ZNF710: variants seen among roughly 807,000 people sequenced by gnomAD.
ZNF710 encodes zinc finger protein 710.
Under a neutral mutation model 50.6 loss-of-function variants are expected in ZNF710, and 13 were observed. The observed-to-expected ratio is 0.26, with a 90% CI of 0.17 to 0.41. ZNF710 has a LOEUF of 0.41. Ranked by LOEUF, ZNF710 falls within the 10% of genes least tolerant of loss-of-function variation. ZNF710 has a pLI of 1.00. For missense variants in ZNF710, 721 were observed against 936.6 expected, an observed-to-expected ratio of 0.77 and a Z score of 3.01; for synonymous variants, 383 against 397.0, an observed-to-expected ratio of 0.96 and a Z score of 0.42.
At chr15:90,001,706 T>C (rs1382364952) in intron 1 of ZNF710, 92 bp downstream of exon 1, 1 of 131,524 alleles carries the variant, frequency 7.6e-6, no homozygotes, top group Non-Finnish European at 1.6e-5. Context: ...GGCGCGGGGG[T>C]GGGTCGCTGC....
At chr15:90,039,584 A>G (rs531826878) in intron 1 of ZNF710, among the ~76,000 whole-genome samples, 4 of 152,290 alleles carry the variant, frequency 2.6e-5, no homozygotes, top group Non-Finnish European at 5.9e-5. Context: ...ATACAGTCCA[A>G]TCCATCTTGA....
Position 90,003,965 on chromosome 15 carries a change from G to C in ZNF710, c.-29+2351G>C, listed in dbSNP as rs373143539. Among the ~76,000 whole-genome samples the C allele has an allele frequency of 5.3e-5, 8 of 152,204 alleles. No homozygotes were observed. The East Asian group carries it at 1.5e-3, about 29-fold the overall frequency. ...CATTTTCTTCCTCCAGCCTGGCCTGGTTGCCTGTGTCTTGGTGGAGGGGGC... is the reference window on the plus strand; with the variant it reads ...CATTTTCTTCCTCCAGCCTGGCCTGCTTGCCTGTGTCTTGGTGGAGGGGGC... On this transcript the variant is annotated intron_variant, in intron 1 of 4. Coordinates refer to ENST00000268154, the MANE Select transcript of ZNF710 (RefSeq NM_198526.4).
In ZNF710 at chr15:90,034,244, A is replaced by G. The variant is rs1899040719; in HGVS notation, c.-29+32630A>G. On this transcript the variant is annotated intron_variant, in intron 1 of 4. Transcript: ENST00000268154. The surrounding 1 kb of genome is among the most constrained non-coding windows in gnomAD (Gnocchi z 4.0). ...AAAGAAAAGAAAACAGGTGAACGACAGTCACTCCTGGAGGGGTTCTTCTGC... is the reference window on the plus strand; with the variant it reads ...AAAGAAAAGAAAACAGGTGAACGACGGTCACTCCTGGAGGGGTTCTTCTGC... Among the ~76,000 whole-genome samples, 1 of 151,952 alleles carries G rather than the reference A, an allele frequency of 6.6e-6. No individual in the cohort carries two copies. Among genetic ancestry groups the G allele is most frequent in the South Asian group, 2.1e-4 (1 of 4,826 alleles).
intron 1 of ZNF710, among the ~76,000 whole-genome samples, chr15:90,011,168 G>C (rs985982399): frequency 1.3e-5 from 2 of 151,892 alleles, no homozygotes; most frequent in African/African-American, 4.8e-5. Flanking sequence ...GACCTCACGT[G>C]ATCCACCCAT....
At chr15:90,020,282 C>T (rs1321552456) in intron 1 of ZNF710, among the ~76,000 whole-genome samples, 2 of 152,174 alleles carry the variant, frequency 1.3e-5, no homozygotes, top group African/African-American at 2.4e-5. Context: ...TCTCTCCTGC[C>T]GGGACCTAGA....
intron 1 of ZNF710, among the ~76,000 whole-genome samples, chr15:90,055,815 C>T (rs1008633395): frequency 2.6e-5 from 4 of 152,208 alleles, no homozygotes; most frequent in Non-Finnish European, 5.9e-5. Context: ...TAGAAGGAAA[C>T]ACAAGGAGTC....
intron 1 of ZNF710, among the ~76,000 whole-genome samples, chr15:90,036,931 A>G (rs1455389074): frequency 6.6e-6 from 1 of 152,164 alleles, no homozygotes; most frequent in Non-Finnish European, 1.5e-5. Context: ...CCAGGTTGCT[A>G]AAGAGGCACT....
chr15:90,079,550 G>GC (rs1567249224), intron 4 of ZNF710, 110 bp from the exon 5 acceptor site: 1 of 1,361,004 alleles, frequency 7.3e-7, no homozygotes, highest in African/African-American at 1.5e-5. Context: ...ACTCCTGGAG[G>GC]CCGTGACTGG....
intron 1 of ZNF710, among the ~76,000 whole-genome samples, chr15:90,027,264 G>A (rs1898807083): frequency 1.3e-5 from 2 of 151,854 alleles, no homozygotes; most frequent in Non-Finnish European, 1.5e-5. Context: ...AGGCTGGAGT[G>A]CAATGGCGAG....
chr15:90,079,166 C>G (rs575425105), intron 4 of ZNF710, among the ~76,000 whole-genome samples: 15 of 152,334 alleles, frequency 9.8e-5, no homozygotes, highest in African/African-American at 3.6e-4. Flanking sequence ...CAAGTTGATT[C>G]ACCTCTCTAA....
At chr15:90,051,721 C>T (rs1477745337) in intron 1 of ZNF710, among the ~76,000 whole-genome samples, 2 of 152,108 alleles carry the variant, frequency 1.3e-5, no homozygotes, top group Non-Finnish European at 2.9e-5. Context: ...ACCTGGTAAC[C>T]GTGGGTGAAT....
intron 1 of ZNF710, among the ~76,000 whole-genome samples, chr15:90,013,096 A>G (rs1173914291): frequency 1.3e-5 from 2 of 151,782 alleles, no homozygotes; most frequent in Admixed American, 6.6e-5. Context: ...TTGTTTGTTT[A>G]TTTATTTAGT....
At chr15:90,063,836 G>T (rs1900085536) in intron 1 of ZNF710, among the ~76,000 whole-genome samples, 1 of 152,122 alleles carries the variant, frequency 6.6e-6, no homozygotes, top group African/African-American at 2.4e-5. Flanking sequence ...GGCGGGAGGG[G>T]GCTGATTCCT....
rs1294321461 is a variant in ZNF710 at position 90,068,256 on chromosome 15, C to T, written c.1119C>T (p.His373=). The T allele has an allele frequency of 2.5e-6, 4 of 1,613,288 alleles. No individual in the cohort carries two copies. In the East Asian group the frequency reaches 8.9e-5, roughly 36 times the overall value. ...ACCTCAAGCGCCACATGCTGCTGCA[C>T]TCGGAGGTCAAGCCCTACAGCTGCC... ...TSHLKRHMLL[H]SEVKPYSCHF... Residue 373 remains histidine (H), a synonymous_variant, in exon 2 of 5, where the codon CAC becomes CAT. Transcript: ENST00000268154. This position sits in a 1 kb window ranked among gnomAD's most constrained non-coding sequence, Gnocchi z 5.0.
chr15:90,009,080 T>C (rs932370179), intron 1 of ZNF710, among the ~76,000 whole-genome samples: 1 of 151,760 alleles, frequency 6.6e-6, no homozygotes, highest in Non-Finnish European at 1.5e-5. Context: ...CTATAACTTT[T>C]GTGATAACTC....
rs1274243066 is a variant in ZNF710 at position 90,081,241 on chromosome 15, C to T, written c.*1412C>T. 1.3e-5 allele frequency: 2 copies of T among 152,556 alleles called. No individual in the cohort carries two copies. The highest frequency in any genetic ancestry group is 2.9e-5 in the Non-Finnish European group (2 of 68,318). 9.5% of individuals were successfully genotyped at this position (152,556 alleles called of 1,614,324 possible). A position where few individuals can be genotyped will look rare whatever the true frequency, so the allele number is the denominator to read the frequency against. On this transcript the variant is annotated 3_prime_UTR_variant, in exon 5 of 5. Coordinates refer to ENST00000268154, the MANE Select transcript of ZNF710 (RefSeq NM_198526.4). ...CGCCTGCTCTCTTCCCCTCTGTTCC[C>T]ACGCCAGCTCCTGCCCCTGGAACCA... is the stretch of plus-strand genomic sequence containing the variant.
At chr15:90,060,874 TAAA>T (rs1479146321) in intron 1 of ZNF710, among the ~76,000 whole-genome samples, 1 of 151,942 alleles carries the variant, frequency 6.6e-6, no homozygotes, top group East Asian at 1.9e-4. Context: ...AATAAATAAA[TAAA>T]AAGTCAGAGG....
At chr15:90,072,968 C>A in intron 2 of ZNF710, 103 bp from the exon 3 acceptor site, 1 of 1,218,416 alleles carries the variant, frequency 8.2e-7, no homozygotes, top group Non-Finnish European at 1.1e-6. Context: ...GAAAGTGTGC[C>A]TTTGTGATGC....
intron 4 of ZNF710, chr15:90,075,849 C>T (rs2939848): frequency 0.25 from 37,360 of 152,136 alleles, 5,366 homozygotes; most frequent in East Asian, 0.64. Flanking sequence ...GGATGAGCAG[C>T]CTCGGCCCCA....
Sources: allele counts gnomAD v4.1 joint callset (sites outside exome capture counted in the v4.1 genomes callset), GRCh38; gene constraint gnomAD v4.1.1; non-coding constraint Gnocchi (gnomAD v3.1); transcripts MANE v1.5; gene names NCBI Gene and HGNC (gene_info 2026-07-23, HGNC 2026-07-21).